TEX15: variants seen among roughly 807,000 people sequenced by gnomAD.
The protein encoded by TEX15 is testis-expressed protein 15.
TEX15 carries 171 observed loss-of-function variants against 237.3 expected under a neutral mutation model. The ratio of observed to expected loss-of-function variants is 0.72; its 90% confidence interval spans 0.64 to 0.82. The LOEUF (loss-of-function observed/expected upper bound fraction) is 0.82. Among genes scored for constraint, TEX15 ranks in the 40% least tolerant of loss-of-function variants. The probability of loss-of-function intolerance (pLI) is 0.00; values close to 1 mark genes in which losing one functional copy is unlikely to be tolerated. For synonymous variants in TEX15, 1,338 were observed against 1,269.8 expected, an observed-to-expected ratio of 1.05 and a Z score of -1.14; for missense variants, 3,750 against 3,646.5, an observed-to-expected ratio of 1.03 and a Z score of -0.73.
chr8:30,846,976 T>C lies in TEX15; in HGVS notation c.3191A>G (p.Glu1064Gly). 1 of 1,613,688 alleles carries C rather than the reference T, an allele frequency of 6.2e-7. No individual in the cohort carries two copies. Among genetic ancestry groups the C allele is most frequent in the Non-Finnish European group, 8.5e-7 (1 of 1,179,680 alleles). Reference protein sequence around the residue: ...SIELESEIEIELEDCDDAFIF... With the variant: ...SIELESEIEIGLEDCDDAFIF... ...AAAAGCATCATCACAATCTTCTAAT[T>C]CTATTTCAATTTCACTTTCCAATTC... The change falls in exon 8 of 11, where the codon GAA becomes GGA. Residue 1064 changes from glutamate to glycine, a missense_variant. By Grantham distance (98) the Glu-to-Gly change is moderately conservative. Coordinates refer to ENST00000643185, the MANE Select transcript of TEX15 (RefSeq NM_001350162.2).
At chr8:30,872,389 C>G (rs1432664661) in intron 4 of TEX15, among the ~76,000 whole-genome samples, 2 of 152,004 alleles carry the variant, frequency 1.3e-5, no homozygotes, top group Non-Finnish European at 2.9e-5. Context: ...CACTGCCAGT[C>G]ATATAAAAGT....
At chr8:30,912,332 GCTCCCGCCC>G (rs1489074971) in intron 1 of TEX15, among the ~76,000 whole-genome samples, 11 of 151,088 alleles carry the variant, frequency 7.3e-5, no homozygotes, top group Admixed American at 2.0e-4. Context: ...GGGCGGCGGG[GCTCCCGCCC>G]CCTCCCCGCC....
In TEX15 at chr8:30,887,215, GA is replaced by G; in HGVS notation, c.87del (p.Pro30LeufsTer2). 6.5e-7 allele frequency: 1 copy of G among 1,535,634 alleles called. No homozygotes were observed. The highest frequency in any genetic ancestry group is 1.2e-5 in the South Asian group (1 of 83,980). On this transcript the variant is annotated frameshift_variant, in exon 3 of 11. Transcript: ENST00000643185. LOFTEE classifies it high-confidence loss of function. ...SKPVLNTREV[N>X]PLKKFTIPKI... Reference sequence around the variant, plus strand: ...TTAGGAATGGTGAATTTCTTCAAAGGATTGACTTCACGAGTATTCAACACGG... The same window carrying G: ...TTAGGAATGGTGAATTTCTTCAAAGGTTGACTTCACGAGTATTCAACACGG...
At chr8:30,855,194 TC>T (rs1004516338) in intron 7 of TEX15, among the ~76,000 whole-genome samples, 1 of 151,310 alleles carries the variant, frequency 6.6e-6, no homozygotes, top group African/African-American at 2.4e-5. Context: ...ATATAGAAAA[TC>T]CCAAAGACCA....
chr8:30,905,617 T>A (rs1000316745), intron 1 of TEX15, among the ~76,000 whole-genome samples: 2 of 151,740 alleles, frequency 1.3e-5, no homozygotes, highest in African/African-American at 4.8e-5. Flanking sequence ...CCACCTGGTC[T>A]GTGGCTCACG....
At chr8:30,891,182 T>C (rs886486736) in intron 2 of TEX15, among the ~76,000 whole-genome samples, 5 of 152,136 alleles carry the variant, frequency 3.3e-5, no homozygotes, top group Non-Finnish European at 7.4e-5. Context: ...TGGTTTGTCC[T>C]CATTGCACTG....
chr8:30,834,001 T>C (rs1807238297), intron 10 of TEX15, among the ~76,000 whole-genome samples: 1 of 152,152 alleles, frequency 6.6e-6, no homozygotes, highest in Non-Finnish European at 1.5e-5. Context: ...AGAACCCTTC[T>C]GAAACAATTA....
chr8:30,860,181 C>T, intron 5 of TEX15, 124 bp from the exon 6 acceptor site: 1 of 871,080 alleles, frequency 1.1e-6, no homozygotes, highest in Non-Finnish European at 1.6e-6. Context: ...TCACTCTGTT[C>T]AGTCCAGGCT....
chr8:30,863,970 A>G (rs1015698104), intron 5 of TEX15, among the ~76,000 whole-genome samples: 2 of 146,728 alleles, frequency 1.4e-5, no homozygotes, highest in African/African-American at 5.0e-5. Flanking sequence ...GAAAAAAAAA[A>G]CAGAAATTGT....
rs929622063 is a variant in TEX15, at chr8:30,900,917, GGAGGC to G, written c.-85-2105_-85-2101del. Among the ~76,000 whole-genome samples the G allele has an allele frequency of 3.0e-4, 46 of 152,316 alleles. 1 individual carries two copies. The highest frequency in any genetic ancestry group is 1.0e-3 in the African/African-American group (42 of 41,564). On this transcript the variant is annotated intron_variant, in intron 1 of 10. Transcript: ENST00000643185. ...TCACACCTGTAATCCCAGCACTTTGGGAGGCCAAGGCAGGAAGCTTGCTTGAGGTC... is the reference window on the plus strand; with the variant it reads ...TCACACCTGTAATCCCAGCACTTTGGCAAGGCAGGAAGCTTGCTTGAGGTC...
At chr8:30,885,488 T>C (rs1396935546) in intron 3 of TEX15, among the ~76,000 whole-genome samples, 1 of 152,216 alleles carries the variant, frequency 6.6e-6, no homozygotes, top group Non-Finnish European at 1.5e-5. Flanking sequence ...GAACTGTAAG[T>C]CCATTATAAA....
rs745331751 is a variant in TEX15 at position 30,837,787 on chromosome 8, C to T, written c.8497G>A (p.Asp2833Asn). The stretch of plus-strand genomic sequence containing the variant: ...GCAAAAGCAGCACAATCTTTCTTAT[C>T]ACTTTTTGTTTCAGCAGCACTGAAG... ...VNFSAAETKS[D>N]KKDCAAFAIC... The change falls in exon 10 of 11, where the codon GAT (aspartate) becomes AAT (asparagine). Residue 2833 changes from aspartate (D) to asparagine (N), a missense_variant. By Grantham distance (23) the Asp-to-Asn change is conservative. Coordinates refer to ENST00000643185, the MANE Select transcript of TEX15 (RefSeq NM_001350162.2). 3.7e-6 allele frequency: 6 copies of T among 1,614,144 alleles called. No individual in the cohort carries two copies. The highest frequency in any genetic ancestry group is 5.1e-6 in the Non-Finnish European group (6 of 1,180,024).
chr8:30,890,748 AT>A (rs1808779456), intron 2 of TEX15: 1 of 152,192 alleles, frequency 6.6e-6, no homozygotes, highest in Non-Finnish European at 1.5e-5. Flanking sequence ...AAAAGAAAAT[AT>A]TCTTTATATT....
Position 30,848,924 on chromosome 8 carries a change from GA to G in TEX15, c.1242del (p.Pro415LeufsTer22). 6.2e-7 allele frequency: 1 copy of G among 1,614,134 alleles called. No homozygotes were observed. Among genetic ancestry groups the G allele is most frequent in the African/African-American group, 1.3e-5 (1 of 75,036 alleles). On this transcript the variant is annotated frameshift_variant, in exon 8 of 11. Coordinates refer to ENST00000643185, the MANE Select transcript of TEX15 (RefSeq NM_001350162.2). LOFTEE classifies it high-confidence loss of function. ...KNILSGLNAS[F>X]PLHNNTGSST... ...CTTGAGCCAGTATTGTTGTGAAGAG[GA>G]AAAGAAGCATTAAGACCACTTAAAA...
chr8:30,837,658 G>A lies in TEX15; in HGVS notation c.8626C>T (p.Leu2876Phe). ...TCAGTTTCTGGGTTTATATCAGAAA[G>A]GCAGGATTTTTGGGTGGGATCTGGG... Reference protein sequence around the residue: ...NSPDPTQKSCLSDINPETDVS... With the variant: ...NSPDPTQKSCFSDINPETDVS... Residue 2876 changes from leucine to phenylalanine, a missense_variant, in exon 10 of 11, where the codon CTT (leucine) becomes TTT (phenylalanine). By Grantham distance (22) the Leu-to-Phe change is conservative. Coordinates refer to ENST00000643185, the MANE Select transcript of TEX15 (RefSeq NM_001350162.2). 6.2e-7 allele frequency: 1 copy of A among 1,614,024 alleles called. No homozygotes were observed. Among genetic ancestry groups the A allele is most frequent in the Non-Finnish European group, 8.5e-7 (1 of 1,179,968 alleles).
chr8:30,871,256 G>A (rs976320802), intron 4 of TEX15, among the ~76,000 whole-genome samples: 1 of 152,024 alleles, frequency 6.6e-6, no homozygotes, highest in African/African-American at 2.4e-5. Context: ...CTGGGGAGTA[G>A]GATGTGGACA....
chr8:30,864,356 T>G (rs1249496942), intron 5 of TEX15, among the ~76,000 whole-genome samples: 1 of 149,758 alleles, frequency 6.7e-6, no homozygotes, highest in Non-Finnish European at 1.5e-5. Flanking sequence ...ACATATATGC[T>G]GTGGGAGTCT....
Position 30,845,190 on chromosome 8 carries a change from C to T in TEX15, c.4977G>A (p.Lys1659=). The T allele has an allele frequency of 6.2e-7, 1 of 1,613,478 alleles. No homozygotes were observed. ...VLISVLDSNV[K]HFLNDLYQQG... is the part of the protein sequence containing the mutation. ...GTTGGTAGAGATCATTTAAAAAGTG[C>T]TTCACATTTGAATCTAAGACTGATA... is the stretch of plus-strand genomic sequence containing the variant. The change falls in exon 8 of 11, where the codon AAG becomes AAA. Residue 1659 remains lysine, a synonymous_variant. Coordinates refer to ENST00000643185, the MANE Select transcript of TEX15 (RefSeq NM_001350162.2).
Position 30,842,669 on chromosome 8 carries a change from C to G in TEX15, c.7498G>C (p.Asp2500His). ...CAAAGGCAAACATCTGTTGAGTTAT[C>G]TTTAAGAAATGAAAAAGAAGCCATT... ...EKMASFSFLK[D>H]NSTDVCLWKV... The change falls in exon 8 of 11, where the codon GAT (aspartate) becomes CAT (histidine). Residue 2500 changes from aspartate to histidine, a missense_variant. Transcript: ENST00000643185. 1 of 1,612,632 alleles carries G rather than the reference C, an allele frequency of 6.2e-7. No individual in the cohort carries two copies. Among genetic ancestry groups the G allele is most frequent in the East Asian group, 2.2e-5 (1 of 44,838 alleles).
Sources: gnomAD v4.1 joint callset for allele counts (sites outside exome capture counted in the v4.1 genomes callset) on GRCh38, gnomAD v4.1.1 for gene constraint, MANE v1.5 for transcripts, NCBI Gene and HGNC (gene_info 2026-07-23, HGNC 2026-07-21) for gene names.